The following ZRANB3 variants were observed in gnomAD, a reference collection of about 807,000 sequenced individuals.
ZRANB3 encodes the protein DNA annealing helicase and endonuclease ZRANB3.
In ZRANB3, 125 loss-of-function variants were observed where a neutral mutation model predicts 133.8. That is an observed-to-expected ratio of 0.93 (90% confidence interval 0.81 to 1.08). The LOEUF (loss-of-function observed/expected upper bound fraction) is 1.08, where lower values mean the gene tolerates loss of function less well. Among genes scored for constraint, ZRANB3 ranks in the 50% least tolerant of loss-of-function variants. ZRANB3 has a pLI of 0.00. For missense variants in ZRANB3, 1,229 were observed against 1,275.5 expected (o/e 0.96, Z 0.56); for synonymous variants, 387 against 432.7 (o/e 0.89, Z 1.31).
chr2:135,504,352 A>C lies in ZRANB3; in HGVS notation c.138T>G (p.Ile46Met), dbSNP rs765160537. The C allele has an allele frequency of 6.2e-7, 1 of 1,613,606 alleles. No individual in the cohort carries two copies. Among genetic ancestry groups the C allele is most frequent in the South Asian group, 1.1e-5 (1 of 91,038 alleles). Residue 46 changes from isoleucine to methionine, a missense_variant, in exon 2 of 21, where the codon ATT becomes ATG. Physicochemically the swap from Ile to Met is conservative, Grantham distance 10 (BLOSUM62 1). Transcript: ENST00000264159. ...ACCTGCCATTTCTTTTGAGGGCAAA[A>C]ATGATGCCATCTTTCTGGAATGGAA... The part of the protein sequence containing the change: ...KLLPFQKDGI[I>M]FALKRNGRCM...
chr2:135,345,928 CACTT>C (rs1289784251), intron 5 of ZRANB3, among the ~76,000 whole-genome samples: 1 of 152,118 alleles, frequency 6.6e-6, no homozygotes, highest in Non-Finnish European at 1.5e-5. Context: ...ATGTCTCAGA[CACTT>C]AAATTACACG....
At chr2:135,253,207 T>C (rs1408276847) in intron 12 of ZRANB3, among the ~76,000 whole-genome samples, 1 of 152,220 alleles carries the variant, frequency 6.6e-6, no homozygotes, top group Non-Finnish European at 1.5e-5. Flanking sequence ...AGCACAGATC[T>C]AGCGGCAGAG....
chr2:135,324,479 CATT>C (rs1453093041), intron 6 of ZRANB3, among the ~76,000 whole-genome samples: 2 of 152,126 alleles, frequency 1.3e-5, no homozygotes, highest in Non-Finnish European at 2.9e-5. Context: ...TCCAGTCTAT[CATT>C]GTTGGACATT....
At chr2:135,513,686 T>C (rs1011487626) in intron 1 of ZRANB3, among the ~76,000 whole-genome samples, 6 of 152,176 alleles carry the variant, frequency 3.9e-5, no homozygotes, top group African/African-American at 1.4e-4. Context: ...AGCAAAAACA[T>C]GAAGTCTTTG....
At chr2:135,477,085 C>T (rs1406946544) in intron 2 of ZRANB3, among the ~76,000 whole-genome samples, 3 of 152,130 alleles carry the variant, frequency 2.0e-5, no homozygotes, top group Admixed American at 6.5e-5. Context: ...TATACATCAT[C>T]ACTTTTTAAT....
intron 16 of ZRANB3, among the ~76,000 whole-genome samples, chr2:135,218,100 T>A (rs1475395059): frequency 6.6e-6 from 1 of 152,132 alleles, no homozygotes; most frequent in Non-Finnish European, 1.5e-5. Context: ...GTGTGAGCCA[T>A]CTCACCCAGC....
chr2:135,512,268 A>G (rs1163905978), intron 1 of ZRANB3, among the ~76,000 whole-genome samples: 2 of 152,206 alleles, frequency 1.3e-5, no homozygotes, highest in African/African-American at 4.8e-5. Flanking sequence ...TTTGTACTCA[A>G]TTGAGAACAA....
rs561435607 is a variant in ZRANB3 at position 135,368,876 on chromosome 2, A to G, written c.181-15248T>C. On this transcript the variant is annotated intron_variant, in intron 3 of 20. Transcript: ENST00000264159. Reference sequence around the variant, plus strand: ...TAAATTTCAAATAAAAATGTACTGAAAAATAGCAGAAAATTTCAGCAGACA... The same window carrying G: ...TAAATTTCAAATAAAAATGTACTGAGAAATAGCAGAAAATTTCAGCAGACA... 4.1e-4 allele frequency among the ~76,000 whole-genome samples: 63 copies of G among 152,218 alleles called. 1 individual carries two copies. Among genetic ancestry groups the G allele is most frequent in the African/African-American group, 1.4e-3 (60 of 41,576 alleles).
intron 5 of ZRANB3, among the ~76,000 whole-genome samples, chr2:135,348,690 G>C (rs1244144833): frequency 6.6e-6 from 1 of 152,086 alleles, no homozygotes; most frequent in Non-Finnish European, 1.5e-5. Flanking sequence ...TGCCTCCTGG[G>C]TTCAAGTGAT....
chr2:135,483,437 T>G (rs1353365261), intron 2 of ZRANB3, among the ~76,000 whole-genome samples: 1 of 152,166 alleles, frequency 6.6e-6, no homozygotes. Flanking sequence ...GATGGTAGTT[T>G]GTATTTCTGT....
rs1046847860 is a variant in ZRANB3, at chr2:135,235,229, T to C, written c.1540-4302A>G. Among the ~76,000 whole-genome samples, 453 of 152,174 alleles carry C rather than the reference T, an allele frequency of 3.0e-3. 3 individuals are homozygous for C. Among genetic ancestry groups the C allele is most frequent in the African/African-American group, 0.01 (422 of 41,500 alleles). On this transcript the variant is annotated intron_variant, in intron 12 of 20. Transcript: ENST00000264159. ...CTCAACACATACACCCTCCCAAGAC[T>C]GAACCAGGAAGAAGTTGAATCTCTG...
intron 2 of ZRANB3, among the ~76,000 whole-genome samples, chr2:135,482,795 G>A (rs915868294): frequency 2.6e-5 from 4 of 152,258 alleles, no homozygotes; most frequent in South Asian, 2.1e-4. Flanking sequence ...CGTTCCATCA[G>A]TACCTAATTT....
rs150087838 is a variant in ZRANB3, at chr2:135,343,989, G to A, written c.677+1561C>T. On this transcript the variant is annotated intron_variant, in intron 6 of 20. Transcript: ENST00000264159. ...AATCTAATAATATAAAAATGCACAT[G>A]CCCTTTAAACTAGCAATTTCACTTC... is the stretch of plus-strand genomic sequence containing the variant. 3.6e-5 allele frequency among the ~76,000 whole-genome samples: 5 copies of A among 139,730 alleles called. 1 individual carries two copies. Among genetic ancestry groups the A allele is most frequent in the African/African-American group, 1.7e-4 (5 of 29,606 alleles). 91.7% of individuals were successfully genotyped at this position (139,730 alleles called of 152,430 possible).
intron 17 of ZRANB3, among the ~76,000 whole-genome samples, chr2:135,213,567 C>G (rs1694186812): frequency 6.6e-6 from 1 of 152,122 alleles, no homozygotes; most frequent in African/African-American, 2.4e-5. Flanking sequence ...CTCTCTCTGC[C>G]TCTCTATAAT....
chr2:135,516,758 GCTCTT>G (rs1693715835), intron 1 of ZRANB3, among the ~76,000 whole-genome samples: 1 of 152,066 alleles, frequency 6.6e-6, no homozygotes, highest in Admixed American at 6.6e-5. Flanking sequence ...TCTTGTGGTT[GCTCTT>G]CTCAAGGAGC....
intron 8 of ZRANB3, among the ~76,000 whole-genome samples, chr2:135,303,301 T>C (rs562355209): frequency 6.6e-6 from 1 of 152,128 alleles, no homozygotes; most frequent in Non-Finnish European, 1.5e-5. Context: ...TACCCAAAAG[T>C]TGGGAATATT....
rs1693944022 is a variant in ZRANB3, at chr2:135,207,845, G to A, written c.2607-9C>T. The A allele has an allele frequency of 6.3e-7, 1 of 1,584,596 alleles. No individual in the cohort carries two copies. The highest frequency in any genetic ancestry group is 8.6e-7 in the Non-Finnish European group (1 of 1,160,618). ...CATCTTCAAGAAGTTTTCTACAATT[G>A]ATAAAAACACTGAATAGGTAACTAA... is the stretch of plus-strand genomic sequence containing the variant. On this transcript the variant is annotated splice_polypyrimidine_tract_variant and intron_variant, in intron 18 of 20. Coordinates refer to ENST00000264159, the MANE Select transcript of ZRANB3 (RefSeq NM_032143.4).
intron 12 of ZRANB3, among the ~76,000 whole-genome samples, chr2:135,234,968 A>G (rs548894800): frequency 2.0e-5 from 3 of 152,218 alleles, no homozygotes; most frequent in Non-Finnish European, 2.9e-5. Flanking sequence ...TAGAGACACA[A>G]AAAACCCTTC....
At chr2:135,515,773 G>A (rs1271677713) in intron 1 of ZRANB3, among the ~76,000 whole-genome samples, 3 of 152,326 alleles carry the variant, frequency 2.0e-5, no homozygotes, top group South Asian at 4.1e-4. Flanking sequence ...TTGCGGTGGA[G>A]AATTCTATAG....
Sources: allele counts gnomAD v4.1 joint callset (sites outside exome capture counted in the v4.1 genomes callset), GRCh38; gene constraint gnomAD v4.1.1; transcripts MANE v1.5; gene names NCBI Gene and HGNC (gene_info 2026-07-23, HGNC 2026-07-21).